COL18A1: variants seen among roughly 807,000 people sequenced by gnomAD.
COL18A1 encodes the protein collagen alpha-1(XVIII) chain.
In COL18A1, 133 loss-of-function variants were observed where a neutral mutation model predicts 168.0. The ratio of observed to expected loss-of-function variants is 0.79; its 90% CI spans 0.69 to 0.91. COL18A1 has a LOEUF of 0.91. COL18A1 is among the 40% of genes least tolerant of loss of function. The pLI is 0.00. For missense variants in COL18A1, 2,126 were observed against 1,925.4 expected, an observed-to-expected ratio of 1.10 and a Z score of -1.95; for synonymous variants, 949 against 809.0, an observed-to-expected ratio of 1.17 and a Z score of -2.94.
intron 13 of COL18A1, among the ~76,000 whole-genome samples, chr21:45,481,236 C>A (rs3818655): frequency 0.12 from 18,216 of 152,186 alleles, 1,817 homozygotes; most frequent in African/African-American, 0.27. Context: ...GCTTGGCCAA[C>A]GCGGCTCGTA....
rs113646717 is a variant in COL18A1 at position 45,460,333 on chromosome 21, G to T, written c.107-7909G>T. On this transcript the variant is annotated intron_variant, in intron 2 of 41. Transcript: ENST00000651438. ...GGCGCAACTGGGCACAGCTGCCACCGGGGTGCTCGGGAGGCAGGTCCACAC... is the reference window on the plus strand; with the variant it reads ...GGCGCAACTGGGCACAGCTGCCACCTGGGTGCTCGGGAGGCAGGTCCACAC... Among the ~76,000 whole-genome samples, 2 of 152,148 alleles carry T rather than the reference G, an allele frequency of 1.3e-5. 1 individual carries two copies. The highest frequency in any genetic ancestry group is 1.3e-4 in the Admixed American group (2 of 15,278).
At chr21:45,435,301 T>G (rs1314104172) in intron 2 of COL18A1, among the ~76,000 whole-genome samples, 6 of 19,460 alleles carry the variant, frequency 3.1e-4, no homozygotes, top group African/African-American at 7.4e-4. Context: ...AGGAGGAAGG[T>G]GGGGTGGGGG....
intron 2 of COL18A1, among the ~76,000 whole-genome samples, chr21:45,441,380 G>A (rs1300988869): frequency 1.3e-5 from 2 of 152,184 alleles, no homozygotes; most frequent in Non-Finnish European, 2.9e-5. Context: ...CAGCACAGAT[G>A]CCCAGGTAGA....
chr21:45,510,838 C>T lies in COL18A1; in HGVS notation c.3694-273C>T, dbSNP rs903165883. Among the ~76,000 whole-genome samples, 24 of 152,110 alleles carry T rather than the reference C, an allele frequency of 1.6e-4. 1 individual carries two copies. The highest frequency in any genetic ancestry group is 5.3e-4 in the African/African-American group (22 of 41,424). On this transcript the variant is annotated intron_variant, in intron 40 of 41. Transcript: ENST00000651438. ...CAGGGTCCCCTGCCTTAGCCAAGGCCTCTTGGGGTCTGCAGAGGCTGCCTG... is the reference window on the plus strand; with the variant it reads ...CAGGGTCCCCTGCCTTAGCCAAGGCTTCTTGGGGTCTGCAGAGGCTGCCTG...
chr21:45,455,485 G>A, intron 2 of COL18A1: 1 of 1,606,802 alleles, frequency 6.2e-7, no homozygotes, highest in Non-Finnish European at 8.5e-7. Context: ...CCACCTCCAG[G>A]CACAGAGGCC....
chr21:45,510,325 C>T, intron 40 of COL18A1, 64 bp downstream of exon 40: 1 of 1,516,688 alleles, frequency 6.6e-7, no homozygotes, highest in Non-Finnish European at 9.0e-7. Context: ...GGGGTGAACT[C>T]CCAGCGGGGA....
intron 2 of COL18A1, among the ~76,000 whole-genome samples, chr21:45,410,752 G>A (rs2033266192): frequency 6.6e-6 from 1 of 152,232 alleles, no homozygotes; most frequent in African/African-American, 2.4e-5. Flanking sequence ...CTGCTCCTGG[G>A]GGCAGGAGAG....
rs1185357298 is a variant in COL18A1 at position 45,508,500 on chromosome 21, T to TGGACA, written c.3250-854_3250-853insACAGG. On this transcript the variant is annotated intron_variant, in intron 38 of 41. Coordinates refer to ENST00000651438, the MANE Select transcript of COL18A1 (RefSeq NM_001379500.1). ...GTGAGTGGATGGGTGGGTGGATGGATGGTGGGTAAGTGGGTTAGTGGATGG... is the reference window on the plus strand; with the variant it reads ...GTGAGTGGATGGGTGGGTGGATGGATGGACAGGTGGGTAAGTGGGTTAGTGGATGG... 1.0e-4 allele frequency among the ~76,000 whole-genome samples: 15 copies of TGGACA among 147,982 alleles called. No homozygotes were observed. The East Asian group carries it at 1.2e-3, about 12-fold the overall frequency.
At chr21:45,414,609 G>A (rs1369584016) in intron 2 of COL18A1, among the ~76,000 whole-genome samples, 1 of 152,192 alleles carries the variant, frequency 6.6e-6, no homozygotes, top group Non-Finnish European at 1.5e-5. Context: ...CCTGCTGATG[G>A]CCATGCTCCG....
intron 15 of COL18A1, among the ~76,000 whole-genome samples, chr21:45,483,658 A>C (rs930414413): frequency 4.7e-5 from 7 of 149,476 alleles, no homozygotes; most frequent in Non-Finnish European, 8.9e-5. Context: ...ATCATGTCCA[A>C]AACGTCAGGA....
intron 2 of COL18A1, among the ~76,000 whole-genome samples, chr21:45,434,952 G>A (rs9981635): frequency 0.26 from 38,749 of 151,950 alleles, 4,864 homozygotes; most frequent in African/African-American, 0.29. Flanking sequence ...AGCCTGGGTC[G>A]GGAAAGCCCA....
chr21:45,484,466 T>C (rs1469953715), intron 15 of COL18A1, among the ~76,000 whole-genome samples: 3 of 119,582 alleles, frequency 2.5e-5, no homozygotes, highest in Non-Finnish European at 3.5e-5. Context: ...TGCACACACA[T>C]GCACGCCTCT....
intron 2 of COL18A1, among the ~76,000 whole-genome samples, chr21:45,437,184 TCACACAGACACACAGG>T: frequency 2.4e-5 from 1 of 41,606 alleles, no homozygotes; most frequent in African/African-American, 1.7e-4. Flanking sequence ...GCACACACAC[TCACACAGACACACAGG>T]CACTCTCCTG....
At chr21:45,482,951 C>A in intron 15 of COL18A1, 130 bp downstream of exon 15, 1 of 1,336,048 alleles carries the variant, frequency 7.5e-7, no homozygotes, top group African/African-American at 1.5e-5. Context: ...GACCCCCACT[C>A]CTGCCATCTG....
In COL18A1 at chr21:45,497,944, G is replaced by A. The variant is rs373793733; in HGVS notation, c.2683+283G>A. ...CATGCTAGACCCAGGTGGGCACTGC[G>A]CAGAGACACAGCAGCTTCAGTGTCC... On this transcript the variant is annotated intron_variant, in intron 32 of 41. Coordinates refer to ENST00000651438, the MANE Select transcript of COL18A1 (RefSeq NM_001379500.1). 2.2e-4 allele frequency: 131 copies of A among 604,518 alleles called. 1 individual carries two copies. Among genetic ancestry groups the A allele is most frequent in the Middle Eastern group, 1.3e-3 (3 of 2,290 alleles). 37.4% of individuals were successfully genotyped at this position (604,518 alleles called of 1,614,324 possible).
At chr21:45,464,352 T>G (rs2035132501) in intron 2 of COL18A1, among the ~76,000 whole-genome samples, 1 of 152,150 alleles carries the variant, frequency 6.6e-6, no homozygotes, top group East Asian at 1.9e-4. Context: ...CCCTCTTAGA[T>G]AAGGCAGGCC....
intron 2 of COL18A1, among the ~76,000 whole-genome samples, chr21:45,430,396 A>G (rs115133601): frequency 0.017 from 2,567 of 152,236 alleles, 56 homozygotes; most frequent in African/African-American, 0.05. Context: ...GCCTTTTCAT[A>G]GGCTACGACT....
intron 2 of COL18A1, among the ~76,000 whole-genome samples, chr21:45,445,953 A>G (rs1320662776): frequency 6.6e-6 from 1 of 152,210 alleles, no homozygotes; most frequent in Non-Finnish European, 1.5e-5. Context: ...AGTTTTTACG[A>G]AGTCCAATTT....
At chr21:45,437,287 T>C (rs1602378845) in intron 2 of COL18A1, among the ~76,000 whole-genome samples, 1 of 83,060 alleles carries the variant, frequency 1.2e-5, no homozygotes. Flanking sequence ...GGCACTCTCC[T>C]GCACACACAC....
Sources: allele counts gnomAD v4.1 joint callset (sites outside exome capture counted in the v4.1 genomes callset), GRCh38; gene constraint gnomAD v4.1.1; transcripts MANE v1.5; gene names NCBI Gene and HGNC (gene_info 2026-07-23, HGNC 2026-07-21).